Variants in BTBD10 observed in about 807,000 individuals in gnomAD.
BTBD10 encodes BTB/POZ domain-containing protein 10.
A neutral mutation model predicts 53.2 loss-of-function variants in BTBD10; 21 were observed. The observed-to-expected ratio is 0.39, with a 90% confidence interval of 0.28 to 0.57. BTBD10 has a LOEUF of 0.57. Among genes scored for constraint, BTBD10 ranks in the 20% least tolerant of loss-of-function variants. The pLI is 0.53. For missense variants in BTBD10, 360 were observed against 594.7 expected, an observed-to-expected ratio of 0.61 and a Z score of 4.10; for synonymous variants, 149 against 192.7, an observed-to-expected ratio of 0.77 and a Z score of 1.88.
At chr11:13,438,636 G>A (rs1041756657) in intron 2 of BTBD10, among the ~76,000 whole-genome samples, 2 of 151,594 alleles carry the variant, frequency 1.3e-5, no homozygotes, top group African/African-American at 4.8e-5. Flanking sequence ...GTGCATATGT[G>A]TTATTTTAGA....
chr11:13,435,361 A>T (rs1393381350), intron 2 of BTBD10, among the ~76,000 whole-genome samples: 1 of 152,150 alleles, frequency 6.6e-6, no homozygotes, highest in East Asian at 1.9e-4. Flanking sequence ...TGCATACACA[A>T]CCAATATTTT....
At chr11:13,449,384 A>G (rs1165098507) in intron 1 of BTBD10, among the ~76,000 whole-genome samples, 1 of 152,184 alleles carries the variant, frequency 6.6e-6, no homozygotes, top group Non-Finnish European at 1.5e-5. Flanking sequence ...AGGAAATCTT[A>G]AGAGATAAGA....
intron 1 of BTBD10, among the ~76,000 whole-genome samples, chr11:13,455,574 T>C (rs1044975059): frequency 6.6e-5 from 10 of 152,180 alleles, no homozygotes; most frequent in African/African-American, 2.4e-4. Flanking sequence ...AAAGGCATAT[T>C]TTTTTAATAT....
At chr11:13,427,839 T>C (rs1591140252) in intron 2 of BTBD10, among the ~76,000 whole-genome samples, 2 of 152,102 alleles carry the variant, frequency 1.3e-5, no homozygotes, top group African/African-American at 2.4e-5. Context: ...AATTCCCAAA[T>C]ACTTGGAAAT....
intron 2 of BTBD10, among the ~76,000 whole-genome samples, chr11:13,424,395 G>T (rs1950297885): frequency 6.6e-6 from 1 of 152,134 alleles, no homozygotes; most frequent in Non-Finnish European, 1.5e-5. Flanking sequence ...GAATTCAAAA[G>T]GTGTCATAAT....
At chr11:13,390,194 C>T (rs905024559) in intron 8 of BTBD10, among the ~76,000 whole-genome samples, 3 of 152,120 alleles carry the variant, frequency 2.0e-5, no homozygotes, top group African/African-American at 7.2e-5. Context: ...TAAGAATTAA[C>T]TAGTTTGGGA....
chr11:13,425,516 T>A (rs903684383), intron 2 of BTBD10, among the ~76,000 whole-genome samples: 1 of 151,636 alleles, frequency 6.6e-6, no homozygotes, highest in Non-Finnish European at 1.5e-5. Flanking sequence ...GACACATACG[T>A]TAGAATGAGA....
intron 2 of BTBD10, among the ~76,000 whole-genome samples, chr11:13,438,857 T>G (rs1950594638): frequency 6.6e-6 from 1 of 151,960 alleles, no homozygotes; most frequent in Admixed American, 6.6e-5. Flanking sequence ...AAGTATAAGA[T>G]TAAAAGGTCT....
intron 2 of BTBD10, among the ~76,000 whole-genome samples, chr11:13,423,113 A>G (rs1027930245): frequency 6.6e-6 from 1 of 152,186 alleles, no homozygotes; most frequent in African/African-American, 2.4e-5. Context: ...GCCCTGACAA[A>G]TAGATAAAAT....
At chr11:13,451,068 G>GATGTAGTGGAAGTGAAAGAA (rs1318483396) in intron 1 of BTBD10, among the ~76,000 whole-genome samples, 1 of 152,174 alleles carries the variant, frequency 6.6e-6, no homozygotes. Flanking sequence ...ATTTCAGGTA[G>GATGTAGTGGAAGTGAAAGAA]ATGTAGTGGA....
intron 2 of BTBD10, among the ~76,000 whole-genome samples, chr11:13,423,071 A>C (rs1950273096): frequency 6.6e-6 from 1 of 152,216 alleles, no homozygotes; most frequent in Non-Finnish European, 1.5e-5. Context: ...ACATTGCTAT[A>C]GAGTAGCCAC....
At chr11:13,391,741 C>T (rs1375371481) in intron 8 of BTBD10, among the ~76,000 whole-genome samples, 13 of 152,282 alleles carry the variant, frequency 8.5e-5, no homozygotes, top group African/African-American at 3.1e-4. Flanking sequence ...GTCAAGAGAT[C>T]GAGTCCATCC....
intron 5 of BTBD10, among the ~76,000 whole-genome samples, chr11:13,415,999 T>C (rs1406572582): frequency 6.6e-6 from 1 of 151,680 alleles, no homozygotes; most frequent in Non-Finnish European, 1.5e-5. Flanking sequence ...GTAGGGACTC[T>C]GTGTGATAAA....
intron 8 of BTBD10, among the ~76,000 whole-genome samples, chr11:13,391,759 C>T (rs1391920150): frequency 1.3e-5 from 2 of 152,218 alleles, no homozygotes; most frequent in Non-Finnish European, 2.9e-5. Flanking sequence ...TCCTGACCAA[C>T]ATGGTGAAAC....
chr11:13,395,907 T>G (rs1434913825), intron 8 of BTBD10, among the ~76,000 whole-genome samples: 1 of 152,202 alleles, frequency 6.6e-6, no homozygotes, highest in East Asian at 1.9e-4. Flanking sequence ...TATCTCTGTT[T>G]TGGTACCAGT....
chr11:13,449,316 T>A (rs753161494), intron 1 of BTBD10, among the ~76,000 whole-genome samples: 153 of 152,310 alleles, frequency 1.0e-3, no homozygotes, highest in Middle Eastern at 6.8e-3. Flanking sequence ...GAAGTTTATA[T>A]ATTTTCTCCT....
At position 13,417,165 on chromosome 11, in the gene BTBD10, G is replaced by A. The variant is rs2135814526; in HGVS notation, c.680C>T (p.Ala227Val). ...AEGIGSTVFR[A>V]ILDYYKTGII... is the part of the protein sequence containing the mutation. ...CTCATAAGAAACACTCACCAGAATC[G>A]CTCGAAACACAGTGGAACCAATTCC... The change falls in exon 5 of 9, where the codon GCG becomes GTG. Residue 227 changes from alanine (A) to valine (V), a missense_variant. Physicochemically the swap from Ala to Val is moderately conservative, Grantham distance 64. Around this residue, in one of 6 missense-constraint regions of BTBD10, gnomAD observed 91 missense variants for 171.7 expected, o/e 0.53. Coordinates refer to ENST00000278174, the MANE Select transcript of BTBD10 (RefSeq NM_032320.7). 4.3e-6 allele frequency: 7 copies of A among 1,610,442 alleles called. No homozygotes were observed. The highest frequency in any genetic ancestry group is 1.3e-5 in the African/African-American group (1 of 74,874).
chr11:13,460,144 A>G (rs545945672), intron 1 of BTBD10, among the ~76,000 whole-genome samples: 3 of 152,326 alleles, frequency 2.0e-5, no homozygotes, highest in Non-Finnish European at 4.4e-5. Flanking sequence ...GAGATGACTG[A>G]GCTAAAATGA....
At chr11:13,454,889 GTTTA>G (rs1009112731) in intron 1 of BTBD10, among the ~76,000 whole-genome samples, 29 of 151,892 alleles carry the variant, frequency 1.9e-4, no homozygotes, top group African/African-American at 5.8e-4. Flanking sequence ...AGGATCTGTT[GTTTA>G]TTTATTTATT....
Sources: allele counts gnomAD v4.1 joint callset (sites outside exome capture counted in the v4.1 genomes callset), GRCh38; gene constraint gnomAD v4.1.1; regional missense constraint gnomAD v4.1.1; transcripts MANE v1.5; gene names NCBI Gene and HGNC (gene_info 2026-07-23, HGNC 2026-07-21).